The following PHLDA3 variants were observed in gnomAD, a reference collection of about 807,000 sequenced individuals.
PHLDA3 encodes the protein pleckstrin homology-like domain family A member 3.
A neutral mutation model predicts 7.6 loss-of-function variants in PHLDA3; 12 were observed. The ratio of observed to expected loss-of-function variants is 1.58; its 90% CI spans 1.01 to 2.55. The LOEUF (loss-of-function observed/expected upper bound fraction) is 2.55, where lower values mean the gene tolerates loss of function less well. Ranked by LOEUF, PHLDA3 falls within the 30% of genes most tolerant of loss-of-function variation. PHLDA3 has a pLI of 0.00. For synonymous variants in PHLDA3, 104 were observed against 85.1 expected (o/e 1.22, Z -1.23); for missense variants, 177 against 175.6 (o/e 1.01, Z -0.05).
intron 1 of PHLDA3, among the ~76,000 whole-genome samples, chr1:201,466,906 A>G (rs1330879041): frequency 6.6e-6 from 1 of 151,182 alleles, no homozygotes; most frequent in Non-Finnish European, 1.5e-5. Context: ...AGGGGCAGGT[A>G]GACAGCTAGG....
chr1:201,468,422 G>C lies in PHLDA3; in HGVS notation c.365C>G (p.Thr122Ser). Residue 122 changes from threonine (T) to serine (S), a missense_variant, in exon 1 of 2, where the codon ACC becomes AGC. Transcript: ENST00000367311. The stretch of plus-strand genomic sequence containing the variant: ...GGTGGTTTAGGACACGAGGGTCCCG[G>C]TCCCGAGGCTCTGCCGGGCCCGCAC... The part of the protein sequence containing the change: ...QTVRARQSLG[T>S]GTLVS 1 of 1,613,954 alleles carries C rather than the reference G, an allele frequency of 6.2e-7. No homozygotes were observed.
chr1:201,467,070 G>A lies in PHLDA3; in HGVS notation c.*63-892C>T, dbSNP rs543859980. On this transcript the variant is annotated intron_variant, in intron 1 of 1. Coordinates refer to ENST00000367311, the MANE Select transcript of PHLDA3 (RefSeq NM_012396.5). ...TTACACCTGTAATCTTAGCACTTTG[G>A]GAGGCCAAGGTGGGCAGATTGCTTG... Among the ~76,000 whole-genome samples the A allele has an allele frequency of 1.5e-3, 228 of 152,276 alleles. 1 individual carries two copies. The Middle Eastern group carries it at 0.044, about 30-fold the overall frequency.
At position 201,468,441 on chromosome 1, in the gene PHLDA3, C is replaced by A. The variant is rs779812055; in HGVS notation, c.346G>T (p.Ala116Ser). 6.2e-7 allele frequency: 1 copy of A among 1,614,124 alleles called. No homozygotes were observed. Among genetic ancestry groups the A allele is most frequent in the South Asian group, 1.1e-5 (1 of 91,068 alleles). ...GTCCCGGTCCCGAGGCTCTGCCGGGCCCGCACTGTCTGGATGGCCTGCTGG... is the reference window on the plus strand; with the variant it reads ...GTCCCGGTCCCGAGGCTCTGCCGGGACCGCACTGTCTGGATGGCCTGCTGG... ...KNQQAIQTVRARQSLGTGTLV... is the reference protein window; with the variant it reads ...KNQQAIQTVRSRQSLGTGTLV... Residue 116 changes from alanine (A) to serine (S), a missense_variant, in exon 1 of 2, where the codon GCC becomes TCC. Transcript: ENST00000367311.
Position 201,468,818 on chromosome 1 carries a change from C to A in PHLDA3, c.-32G>T, listed in dbSNP as rs895737118. 6.7e-7 allele frequency: 1 copy of A among 1,483,496 alleles called. No individual in the cohort carries two copies. Among genetic ancestry groups the A allele is most frequent in the South Asian group, 1.3e-5 (1 of 76,974 alleles). The allele number at this position is 1,483,496 out of a possible 1,614,324, so 91.9% of individuals were successfully genotyped here. A position where few individuals can be genotyped will look rare whatever the true frequency, so the allele number is the denominator to read the frequency against. ...CCCGAGGTTCGCGGAAAGCTCCAGG[C>A]TGCGGCGGGCGCGGCGCCCCTCTCG... On this transcript the variant is annotated 5_prime_UTR_variant, in exon 1 of 2. Transcript: ENST00000367311.
chr1:201,469,045 GC>G lies in PHLDA3; in HGVS notation c.-260del, dbSNP rs1663761027. Reference sequence around the variant, plus strand: ...CCTCCGCTCTACCCCAGCTGGCCCAGCCCGACCCGCCTCTGCCAGATGCCTC... The same window carrying G: ...CCTCCGCTCTACCCCAGCTGGCCCAGCCGACCCGCCTCTGCCAGATGCCTC... On this transcript the variant is annotated 5_prime_UTR_variant, in exon 1 of 2. Transcript: ENST00000367311. 5.2e-6 allele frequency: 2 copies of G among 385,798 alleles called. No individual in the cohort carries two copies. Among genetic ancestry groups the G allele is most frequent in the Non-Finnish European group, 9.0e-6 (2 of 221,806 alleles). 23.9% of individuals were successfully genotyped at this position (385,798 alleles called of 1,614,324 possible).
At position 201,464,533 on chromosome 1, in the gene PHLDA3, G is replaced by A. The variant is rs1269661008; in HGVS notation, c.*1708C>T. On this transcript the variant is annotated 3_prime_UTR_variant, in exon 2 of 2. Coordinates refer to ENST00000367311, the MANE Select transcript of PHLDA3 (RefSeq NM_012396.5). ...AGGACAGGGAAGTTTTTATTGGAAG[G>A]CGAGAGAAATCTGAACGGGAACAAA... 1.3e-5 allele frequency: 2 copies of A among 152,234 alleles called. No individual in the cohort carries two copies. The highest frequency in any genetic ancestry group is 6.5e-5 in the Admixed American group (1 of 15,278). 9.4% of individuals were successfully genotyped at this position (152,234 alleles called of 1,614,324 possible).
At chr1:201,468,236 C>G (rs540924562) in intron 1 of PHLDA3, 105 bp downstream of exon 1, 97 of 850,962 alleles carry the variant, frequency 1.1e-4, no homozygotes, top group East Asian at 8.9e-4. Flanking sequence ...GAACCTCCCC[C>G]CTAAGATGTC....
In PHLDA3 at chr1:201,468,708, T is replaced by C. The variant is rs917873676; in HGVS notation, c.79A>G (p.Lys27Glu). Reference sequence around the variant, plus strand: ...TCGGTGAGGACGCAGCGCTTCCGCTTCCACAGCTGCAGCAGCCCGCCGCTG... The same window carrying C: ...TCGGTGAGGACGCAGCGCTTCCGCTCCCACAGCTGCAGCAGCCCGCCGCTG... ...KRSGGLLQLW[K>E]RKRCVLTERG... The change falls in exon 1 of 2, where the codon AAG (lysine) becomes GAG (glutamate). Residue 27 changes from lysine to glutamate, a missense_variant. By Grantham distance (56) the Lys-to-Glu change is moderately conservative. Transcript: ENST00000367311. The C allele has an allele frequency of 2.2e-5, 35 of 1,607,168 alleles. No individual in the cohort carries two copies. The highest frequency in any genetic ancestry group is 5.3e-5 in the African/African-American group (4 of 74,850).
At chr1:201,467,295 C>T (rs1663687717) in intron 1 of PHLDA3, among the ~76,000 whole-genome samples, 1 of 151,962 alleles carries the variant, frequency 6.6e-6, no homozygotes, top group Non-Finnish European at 1.5e-5. Flanking sequence ...GTCTGGGCGA[C>T]AGGTAGAGAT....
chr1:201,469,173 G>A lies in PHLDA3; in HGVS notation c.-387C>T. ...CAGCTCGCGGGATGTGCCCTTACATGTTCCGCCGCTCGCCTCCTGCGCCGC... is the reference window on the plus strand; with the variant it reads ...CAGCTCGCGGGATGTGCCCTTACATATTCCGCCGCTCGCCTCCTGCGCCGC... On this transcript the variant is annotated 5_prime_UTR_variant, in exon 1 of 2. Coordinates refer to ENST00000367311, the MANE Select transcript of PHLDA3 (RefSeq NM_012396.5). 5.4e-6 allele frequency: 1 copy of A among 184,622 alleles called. No individual in the cohort carries two copies. The highest frequency in any genetic ancestry group is 1.1e-5 in the Non-Finnish European group (1 of 89,788). The allele number at this position is 184,622 out of a possible 1,614,324, so 11.4% of individuals were successfully genotyped here. A position where few individuals can be genotyped will look rare whatever the true frequency, so the allele number is the denominator to read the frequency against.
chr1:201,468,812 T>A lies in PHLDA3; in HGVS notation c.-26A>T. On this transcript the variant is annotated 5_prime_UTR_variant, in exon 1 of 2. Coordinates refer to ENST00000367311, the MANE Select transcript of PHLDA3 (RefSeq NM_012396.5). ...GGGCGCCCCGAGGTTCGCGGAAAGC[T>A]CCAGGCTGCGGCGGGCGCGGCGCCC... 1.3e-6 allele frequency: 2 copies of A among 1,499,290 alleles called. No individual in the cohort carries two copies. The highest frequency in any genetic ancestry group is 1.8e-6 in the Non-Finnish European group (2 of 1,135,064). 92.9% of individuals were successfully genotyped at this position (1,499,290 alleles called of 1,614,324 possible).
At chr1:201,466,686 G>A (rs1487059248) in intron 1 of PHLDA3, 1 of 152,232 alleles carries the variant, frequency 6.6e-6, no homozygotes, top group Non-Finnish European at 1.5e-5. Context: ...CTGAGAGCCA[G>A]GGCTTCCAGA....
chr1:201,465,102 G>A lies in PHLDA3; in HGVS notation c.*1139C>T, dbSNP rs1281511036. On this transcript the variant is annotated 3_prime_UTR_variant, in exon 2 of 2. Coordinates refer to ENST00000367311, the MANE Select transcript of PHLDA3 (RefSeq NM_012396.5). ...CCTTGGATTACAGTTGTGAGCCACC[G>A]TGCCAGGCCTTCACCCTGTTGAAAT... The A allele has an allele frequency of 3.3e-5, 5 of 152,194 alleles. No homozygotes were observed. Among genetic ancestry groups the A allele is most frequent in the Admixed American group, 2.0e-4 (3 of 15,264 alleles). 9.4% of individuals were successfully genotyped at this position (152,194 alleles called of 1,614,324 possible).
chr1:201,466,584 A>T (rs1430705064), intron 1 of PHLDA3: 3 of 152,112 alleles, frequency 2.0e-5, no homozygotes, highest in African/African-American at 7.2e-5. Context: ...TCCACTGGAA[A>T]AATTAAGGCT....
rs1433776041 is a variant in PHLDA3, at chr1:201,465,543, A to T, written c.*698T>A. ...ATCTTCATTTGGGGAAAGACATGAA[A>T]TGCTAATGGCCAAACCCCCCCTCAC... On this transcript the variant is annotated 3_prime_UTR_variant, in exon 2 of 2. Transcript: ENST00000367311. The T allele has an allele frequency of 6.5e-6, 1 of 154,920 alleles. No individual in the cohort carries two copies. The highest frequency in any genetic ancestry group is 1.5e-5 in the Non-Finnish European group (1 of 68,284). The allele number at this position is 154,920 out of a possible 1,614,324, so 9.6% of individuals were successfully genotyped here.
chr1:201,467,897 C>CG (rs1359501010), intron 1 of PHLDA3, among the ~76,000 whole-genome samples: 1 of 151,934 alleles, frequency 6.6e-6, no homozygotes, highest in Non-Finnish European at 1.5e-5. Context: ...GAAAGAGGGT[C>CG]GGCCTCCACG....
chr1:201,464,785 T>C lies in PHLDA3; in HGVS notation c.*1456A>G, dbSNP rs950937508. ...GTTTCTGTACAACTCCAGGCAGCTA[T>C]TGTCTGTACCTGTTTTCCCGTTTTT... On this transcript the variant is annotated 3_prime_UTR_variant, in exon 2 of 2. Transcript: ENST00000367311. 2 of 149,298 alleles carry C rather than the reference T, an allele frequency of 1.3e-5. No individual in the cohort carries two copies. Among genetic ancestry groups the C allele is most frequent in the Admixed American group, 1.4e-4 (2 of 14,718 alleles). The allele number at this position is 149,298 out of a possible 1,614,324, so 9.2% of individuals were successfully genotyped here.
intron 1 of PHLDA3, among the ~76,000 whole-genome samples, chr1:201,468,092 C>T (rs1339594348): frequency 6.6e-6 from 1 of 152,252 alleles, no homozygotes; most frequent in Non-Finnish European, 1.5e-5. Flanking sequence ...AGGTATCCCC[C>T]TCCCAGGGCT....
rs1212539043 is a variant in PHLDA3 at position 201,464,519 on chromosome 1, G to C, written c.*1722C>G. The stretch of plus-strand genomic sequence containing the variant: ...AGGGACTGGGGCACAGGACAGGGAA[G>C]TTTTTATTGGAAGGCGAGAGAAATC... On this transcript the variant is annotated 3_prime_UTR_variant, in exon 2 of 2. Coordinates refer to ENST00000367311, the MANE Select transcript of PHLDA3 (RefSeq NM_012396.5). 1 of 152,276 alleles carries C rather than the reference G, an allele frequency of 6.6e-6. No individual in the cohort carries two copies. Among genetic ancestry groups the C allele is most frequent in the Non-Finnish European group, 1.5e-5 (1 of 68,060 alleles). The allele number at this position is 152,276 out of a possible 1,614,324, so 9.4% of individuals were successfully genotyped here. A position where few individuals can be genotyped will look rare whatever the true frequency, so the allele number is the denominator to read the frequency against.
Sources: gnomAD v4.1 joint callset for allele counts (sites outside exome capture counted in the v4.1 genomes callset) on GRCh38, gnomAD v4.1.1 for gene constraint, MANE v1.5 for transcripts, NCBI Gene and HGNC (gene_info 2026-07-23, HGNC 2026-07-21) for gene names.